The following NOSTRIN variants were observed in gnomAD, a reference collection of about 807,000 sequenced individuals.
The protein encoded by NOSTRIN is BM247 homolog.
In NOSTRIN, 63 loss-of-function variants were observed where a neutral mutation model predicts 59.0. The ratio of observed to expected loss-of-function variants is 1.07; its 90% CI spans 0.87 to 1.32. NOSTRIN has a LOEUF of 1.32. NOSTRIN is among the 40% of genes most tolerant of loss of function. The probability of loss-of-function intolerance (pLI) is 0.00; values close to 1 mark genes in which losing one functional copy is unlikely to be tolerated. For missense variants in NOSTRIN, 512 were observed against 473.1 expected (o/e 1.08, Z -0.76); for synonymous variants, 200 against 165.4 (o/e 1.21, Z -1.61).
chr2:168,793,706 G>C (rs1167890907), upstream of NOSTRIN, among the ~76,000 whole-genome samples: 1 of 152,204 alleles, frequency 6.6e-6, no homozygotes, highest in African/African-American at 2.4e-5. Context: ...TTTACCTTTT[G>C]GTTAAAGTTA....
intron 2 of NOSTRIN, among the ~76,000 whole-genome samples, chr2:168,815,714 T>C (rs1340774735): frequency 6.6e-6 from 1 of 152,226 alleles, no homozygotes; most frequent in Non-Finnish European, 1.5e-5. Context: ...CTCTTGCATA[T>C]TGATGATTTA....
chr2:168,804,095 GAGA>G (rs1685726257), intron 1 of NOSTRIN, among the ~76,000 whole-genome samples: 1 of 152,194 alleles, frequency 6.6e-6, no homozygotes, highest in African/African-American at 2.4e-5. Flanking sequence ...AGTTTAAAAA[GAGA>G]AGAAGAAATA....
Position 168,861,229 on chromosome 2 carries a change from C to T in NOSTRIN, c.1294+320C>T, listed in dbSNP as rs570003478. On this transcript the variant is annotated intron_variant, in intron 14 of 15. Coordinates refer to ENST00000317647, the MANE Select transcript of NOSTRIN (RefSeq NM_001039724.4). ...ATCGTGAGGAGCTTTGTCGCTCTGTCTCCATAGCCTCCTCCAAACTCCCAT... is the reference window on the plus strand; with the variant it reads ...ATCGTGAGGAGCTTTGTCGCTCTGTTTCCATAGCCTCCTCCAAACTCCCAT... 4.6e-5 allele frequency among the ~76,000 whole-genome samples: 7 copies of T among 152,284 alleles called. No individual in the cohort carries two copies. The South Asian group carries it at 1.5e-3, about 32-fold the overall frequency.
chr2:168,842,643 A>G (rs186320622), intron 7 of NOSTRIN, among the ~76,000 whole-genome samples: 9 of 152,342 alleles, frequency 5.9e-5, no homozygotes, highest in African/African-American at 2.2e-4. Context: ...TATGGGATTC[A>G]TTGGCCAATT....
chr2:168,834,503 G>GCC lies in NOSTRIN; in HGVS notation c.504+179_504+180insCC, dbSNP rs1355060150. Among the ~76,000 whole-genome samples the GCC allele has an allele frequency of 1.7e-5, 2 of 119,740 alleles. 1 individual carries two copies. 78.6% of individuals were successfully genotyped at this position (119,740 alleles called of 152,430 possible). On this transcript the variant is annotated intron_variant, in intron 7 of 15. Coordinates refer to ENST00000317647, the MANE Select transcript of NOSTRIN (RefSeq NM_001039724.4). ...TCATTACTGGCGTGCGCGCGCGCGC[G>GCC]CGCGCACACACACACACACACACAC...
chr2:168,858,119 A>G (rs752171697), intron 12 of NOSTRIN, among the ~76,000 whole-genome samples: 4 of 152,220 alleles, frequency 2.6e-5, no homozygotes, highest in Non-Finnish European at 5.9e-5. Flanking sequence ...TTATACATCT[A>G]TTCCTTTGGC....
At chr2:168,818,756 G>A (rs1477152897) in intron 2 of NOSTRIN, among the ~76,000 whole-genome samples, 1 of 152,158 alleles carries the variant, frequency 6.6e-6, no homozygotes, top group African/African-American at 2.4e-5. Context: ...AGCCTTGCAT[G>A]CTGAGAGAAA....
At position 168,828,129 on chromosome 2, in the gene NOSTRIN, C is replaced by T. The variant is rs780845835; in HGVS notation, c.198-29C>T. On this transcript the variant is annotated intron_variant, in intron 3 of 15. Coordinates refer to ENST00000317647, the MANE Select transcript of NOSTRIN (RefSeq NM_001039724.4). ...TATTTCCTAGGAAAATGACACTCAC[C>T]TTTGTTCCCCACTTTTTTTTGCCTT... 44 of 872,638 alleles carry T rather than the reference C, an allele frequency of 5.0e-5. No homozygotes were observed. In the Middle Eastern group the frequency reaches 1.5e-3, roughly 30 times the overall value. The allele number at this position is 872,638 out of a possible 1,614,324, so 54.1% of individuals were successfully genotyped here.
In NOSTRIN at chr2:168,864,994, T is replaced by G. The variant is rs1363014443; in HGVS notation, c.*24T>G. On this transcript the variant is annotated 3_prime_UTR_variant, in exon 16 of 16. Transcript: ENST00000317647. ...AAAACAAGACTCTGAACATACTACC[T>G]TCACACTCGGTAATCAACAATACAG... is the stretch of plus-strand genomic sequence containing the variant. 1 of 1,612,344 alleles carries G rather than the reference T, an allele frequency of 6.2e-7. No individual in the cohort carries two copies.
At chr2:168,824,590 T>C (rs960996924) in intron 2 of NOSTRIN, 44 bp from the exon 3 acceptor site, 2 of 850,570 alleles carry the variant, frequency 2.4e-6, no homozygotes, top group African/African-American at 3.3e-5. Context: ...TGAGCCACTG[T>C]GCCCAGCCCA....
intron 1 of NOSTRIN, among the ~76,000 whole-genome samples, chr2:168,787,627 A>G (rs1347877922): frequency 6.6e-6 from 1 of 152,204 alleles, no homozygotes; most frequent in African/African-American, 2.4e-5. Flanking sequence ...TATCAGCCAC[A>G]GTGTCCACTA....
chr2:168,808,385 T>G (rs944035892), intron 1 of NOSTRIN, among the ~76,000 whole-genome samples: 1 of 152,208 alleles, frequency 6.6e-6, no homozygotes, highest in African/African-American at 2.4e-5. Flanking sequence ...AATGGGAGGT[T>G]CTTTTTCTCC....
In NOSTRIN at chr2:168,833,099, A is replaced by AT. The variant is rs561843124; in HGVS notation, c.406-1121dup. Among the ~76,000 whole-genome samples, 600 of 152,276 alleles carry AT rather than the reference A, an allele frequency of 3.9e-3. 3 individuals carry two copies. Among genetic ancestry groups the AT allele is most frequent in the Non-Finnish European group, 4.8e-3 (325 of 68,016 alleles). On this transcript the variant is annotated intron_variant, in intron 6 of 15. Coordinates refer to ENST00000317647, the MANE Select transcript of NOSTRIN (RefSeq NM_001039724.4). ...GTCATTTTTTTAAATAAAAGATTTCATTTTTTTAAATAAAGAGTGACAGCG... is the reference window on the plus strand; with the variant it reads ...GTCATTTTTTTAAATAAAAGATTTCATTTTTTTTAAATAAAGAGTGACAGCG...
At chr2:168,816,172 A>G (rs1199395796) in intron 2 of NOSTRIN, among the ~76,000 whole-genome samples, 2 of 151,966 alleles carry the variant, frequency 1.3e-5, no homozygotes, top group African/African-American at 4.8e-5. Context: ...TAAGCCTTTT[A>G]CTCTGACAGA....
Position 168,851,260 on chromosome 2 carries a change from G to A in NOSTRIN, c.730-19G>A. 1 of 1,613,630 alleles carries A rather than the reference G, an allele frequency of 6.2e-7. No homozygotes were observed. The highest frequency in any genetic ancestry group is 1.1e-5 in the South Asian group (1 of 90,858). On this transcript the variant is annotated intron_variant, in intron 9 of 15. Coordinates refer to ENST00000317647, the MANE Select transcript of NOSTRIN (RefSeq NM_001039724.4). ...AACCTTTCTTCGACAACCTTATTCT[G>A]TTCCCCTTGGCATTGCAGTGCCACA...
intron 8 of NOSTRIN, among the ~76,000 whole-genome samples, chr2:168,846,193 A>G (rs1688411427): frequency 6.6e-6 from 1 of 152,190 alleles, no homozygotes. Context: ...ATGGCACTCA[A>G]GTGTCAAATG....
intron 1 of NOSTRIN, among the ~76,000 whole-genome samples, chr2:168,807,398 T>C (rs1010461399): frequency 6.6e-6 from 1 of 152,224 alleles, no homozygotes; most frequent in African/African-American, 2.4e-5. Flanking sequence ...AAGTACAGAA[T>C]GATTGATTCT....
At chr2:168,797,673 TA>T (rs1173675541), upstream of NOSTRIN, among the ~76,000 whole-genome samples, 1 of 93,538 alleles carries the variant, frequency 1.1e-5, no homozygotes, top group East Asian at 3.5e-4. Context: ...GTGTTAACCT[TA>T]AATTTTTTTT....
chr2:168,812,344 A>G (rs1371063874), intron 2 of NOSTRIN, among the ~76,000 whole-genome samples: 1 of 152,202 alleles, frequency 6.6e-6, no homozygotes, highest in Non-Finnish European at 1.5e-5. Context: ...TTTCAAATTT[A>G]AAATAATGAA....
Sources: gnomAD v4.1 joint callset for allele counts (sites outside exome capture counted in the v4.1 genomes callset) on GRCh38, gnomAD v4.1.1 for gene constraint, MANE v1.5 for transcripts, NCBI Gene and HGNC (gene_info 2026-07-23, HGNC 2026-07-21) for gene names.